Variants in IQCM observed in about 807,000 individuals in gnomAD.
IQCM encodes the protein IQ domain-containing protein M.
IQCM carries 45 observed loss-of-function variants against 57.6 expected under a neutral mutation model. That is an observed-to-expected ratio of 0.78 (90% CI 0.62 to 1.00). The LOEUF is 1.00. IQCM is among the 50% of genes least tolerant of loss of function. The pLI, the probability that IQCM is intolerant of heterozygous loss-of-function variation, is 0.00. For synonymous variants in IQCM, 148 were observed against 158.9 expected, an observed-to-expected ratio of 0.93 and a Z score of 0.51; for missense variants, 468 against 511.6, an observed-to-expected ratio of 0.91 and a Z score of 0.82.
At chr4:149,379,912 A>G (rs1231598100) in intron 13 of IQCM, among the ~76,000 whole-genome samples, 1 of 152,056 alleles carries the variant, frequency 6.6e-6, no homozygotes, top group Non-Finnish European at 1.5e-5. Flanking sequence ...CAAGTGGGAG[A>G]CAATTGAATC....
chr4:149,673,336 T>C (rs1761470264), intron 7 of IQCM, among the ~76,000 whole-genome samples: 2 of 151,896 alleles, frequency 1.3e-5, no homozygotes, highest in East Asian at 3.9e-4. Context: ...GCAAATTGGA[T>C]AAAGAGTCAA....
intron 5 of IQCM, 117 bp from the exon 6 acceptor site, chr4:149,686,585 T>C (rs1762559010): frequency 2.4e-6 from 1 of 409,406 alleles, no homozygotes; most frequent in South Asian, 1.3e-4. Context: ...TCTTTTAAAA[T>C]GTTACTAACA....
chr4:149,743,710 T>C (rs1381266618), intron 2 of IQCM, among the ~76,000 whole-genome samples: 3 of 152,180 alleles, frequency 2.0e-5, no homozygotes, highest in Non-Finnish European at 2.9e-5. Context: ...CCCAGCTCAG[T>C]GCATTGCATT....
At chr4:149,577,020 C>A (rs1416931384) in intron 9 of IQCM, among the ~76,000 whole-genome samples, 1 of 151,856 alleles carries the variant, frequency 6.6e-6, no homozygotes, top group Non-Finnish European at 1.5e-5. Context: ...TGCTCATTGG[C>A]CACATATATG....
rs577339190 is a variant in IQCM at position 149,530,566 on chromosome 4, G to C, written c.1228+17889C>G. ...AGTCCTGAGACAGTATCATGGCAAA[G>C]GGACTGGAAATAGATTAAATCCCAA... On this transcript the variant is annotated intron_variant, in intron 12 of 13. Transcript: ENST00000636793. Among the ~76,000 whole-genome samples, 266 of 152,182 alleles carry C rather than the reference G, an allele frequency of 1.7e-3. 2 individuals carry two copies. The highest frequency in any genetic ancestry group is 3.0e-3 in the Non-Finnish European group (203 of 68,006).
At chr4:149,391,032 C>T (rs1362458557) in intron 13 of IQCM, among the ~76,000 whole-genome samples, 1 of 151,820 alleles carries the variant, frequency 6.6e-6, no homozygotes, top group East Asian at 1.9e-4. Context: ...TGAGGATAGA[C>T]AGAGATAAAT....
At chr4:149,458,866 G>A (rs904761623) in intron 12 of IQCM, among the ~76,000 whole-genome samples, 16 of 152,136 alleles carry the variant, frequency 1.1e-4, no homozygotes, top group Non-Finnish European at 2.1e-4. Flanking sequence ...CTAGGTTTCA[G>A]GATTATGCTT....
chr4:149,450,827 A>T (rs1737037018), intron 12 of IQCM, among the ~76,000 whole-genome samples: 1 of 151,834 alleles, frequency 6.6e-6, no homozygotes. Flanking sequence ...CTAAAAATAA[A>T]GCTACCATAC....
chr4:149,662,165 T>G (rs1161655920), intron 7 of IQCM, among the ~76,000 whole-genome samples: 1 of 152,036 alleles, frequency 6.6e-6, no homozygotes, highest in African/African-American at 2.4e-5. Flanking sequence ...TCACAAGGTA[T>G]TTTTATATTT....
intron 13 of IQCM, among the ~76,000 whole-genome samples, chr4:149,414,091 C>T (rs1355174817): frequency 1.3e-5 from 2 of 152,092 alleles, no homozygotes; most frequent in African/African-American, 4.8e-5. Flanking sequence ...ATGACAAATG[C>T]CACACAAAAG....
chr4:149,638,816 G>C (rs1757940518), intron 7 of IQCM, among the ~76,000 whole-genome samples: 2 of 152,144 alleles, frequency 1.3e-5, no homozygotes, highest in African/African-American at 4.8e-5. Flanking sequence ...CCAAGAAGGA[G>C]AGCAGGGCCC....
chr4:149,708,649 GA>G (rs1434278922), intron 5 of IQCM, among the ~76,000 whole-genome samples: 1 of 151,938 alleles, frequency 6.6e-6, no homozygotes, highest in African/African-American at 2.4e-5. Flanking sequence ...CTTTGTACAT[GA>G]TTATTTCTCT....
chr4:149,649,606 A>G (rs1428938839), intron 7 of IQCM, among the ~76,000 whole-genome samples: 2 of 152,206 alleles, frequency 1.3e-5, no homozygotes, highest in African/African-American at 4.8e-5. Flanking sequence ...CTACCCATTA[A>G]CTGAAATAAT....
At chr4:149,570,092 G>C (rs1429340210) in intron 9 of IQCM, among the ~76,000 whole-genome samples, 1 of 151,724 alleles carries the variant, frequency 6.6e-6, no homozygotes, top group East Asian at 1.9e-4. Flanking sequence ...AAATCATTGT[G>C]AATAACTTTA....
rs1007380113 is a variant in IQCM at position 149,419,133 on chromosome 4, G to T, written c.1390+14263C>A. ...ATTGAGATTCTTCACAGCTATAGAA[G>T]AAACTATTTTAAAATTCATATGGAA... is the stretch of plus-strand genomic sequence containing the variant. On this transcript the variant is annotated intron_variant, in intron 13 of 13. Transcript: ENST00000636793. Among the ~76,000 whole-genome samples, 7 of 151,828 alleles carry T rather than the reference G, an allele frequency of 4.6e-5. 1 individual carries two copies. Among genetic ancestry groups the T allele is most frequent in the African/African-American group, 1.5e-4 (6 of 41,358 alleles).
chr4:149,702,620 C>T (rs1202781607), intron 5 of IQCM, among the ~76,000 whole-genome samples: 1 of 151,776 alleles, frequency 6.6e-6, no homozygotes, highest in African/African-American at 2.4e-5. Context: ...AACTGAGACC[C>T]ACTGGTAAGC....
chr4:149,590,060 CATAATAAGG>C (rs1752984711), intron 8 of IQCM, among the ~76,000 whole-genome samples: 1 of 151,770 alleles, frequency 6.6e-6, no homozygotes, highest in African/African-American at 2.4e-5. Context: ...GCACATTCTC[CATAATAAGG>C]GGTGGCAAAT....
chr4:149,683,106 T>C (rs939028755), intron 6 of IQCM, among the ~76,000 whole-genome samples: 6 of 151,256 alleles, frequency 4.0e-5, no homozygotes, highest in South Asian at 2.1e-4. Context: ...ACCCATTACA[T>C]AGATTTCCAT....
At chr4:149,537,916 A>G (rs1180786714) in intron 12 of IQCM, among the ~76,000 whole-genome samples, 1 of 151,814 alleles carries the variant, frequency 6.6e-6, no homozygotes, top group Non-Finnish European at 1.5e-5. Context: ...ACATAAAGAC[A>G]TTAAATGAAT....
Sources: gnomAD v4.1 joint callset for allele counts (sites outside exome capture counted in the v4.1 genomes callset) on GRCh38, gnomAD v4.1.1 for gene constraint, MANE v1.5 for transcripts, NCBI Gene and HGNC (gene_info 2026-07-23, HGNC 2026-07-21) for gene names.